Variants in OXR1 observed in about 807,000 individuals in gnomAD.
OXR1 encodes oxidation resistance 1, also known as oxidation resistance protein 1.
A neutral mutation model predicts 104.6 loss-of-function variants in OXR1; 41 were observed. The ratio of observed to expected loss-of-function variants is 0.39; its 90% CI spans 0.31 to 0.51. OXR1 has a LOEUF of 0.51. Ranked by LOEUF, OXR1 falls within the 20% of genes least tolerant of loss-of-function variation. The pLI is 0.77. For synonymous variants in OXR1, 348 were observed against 348.4 expected, an observed-to-expected ratio of 1.00 and a Z score of 0.01; for missense variants, 955 against 1,031.9, an observed-to-expected ratio of 0.93 and a Z score of 1.02.
rs1484533382 is a variant in OXR1, at chr8:106,692,852, A to G, written c.650A>G (p.Asn217Ser). ...TTTACTGAGAAATTTCTTAAAATTA[A>G]TTGCAAATATATTACCAGTGGCAAG... ...EAFTEKFLKINCKYITSGKGT... is the reference protein window; with the variant it reads ...EAFTEKFLKISCKYITSGKGT... The change falls in exon 7 of 17, where the codon AAT (asparagine) becomes AGT (serine). Residue 217 changes from asparagine to serine, a missense_variant. Asn to Ser is a conservative substitution (Grantham distance 46). Around this residue, in one of 2 missense-constraint regions of OXR1, gnomAD observed 849 missense variants for 852.9 expected, o/e 1.00. Transcript: ENST00000517566. The G allele has an allele frequency of 6.2e-7, 1 of 1,605,102 alleles. No homozygotes were observed. The highest frequency in any genetic ancestry group is 1.7e-5 in the Admixed American group (1 of 59,152).
chr8:106,537,579 G>A (rs1814635187), intron 3 of OXR1, among the ~76,000 whole-genome samples: 1 of 152,100 alleles, frequency 6.6e-6, no homozygotes, highest in Non-Finnish European at 1.5e-5. Context: ...AATACCTAAT[G>A]CTAATGACAA....
intron 6 of OXR1, among the ~76,000 whole-genome samples, chr8:106,685,047 G>C (rs1219344527): frequency 6.6e-6 from 1 of 151,946 alleles, no homozygotes; most frequent in African/African-American, 2.4e-5. Flanking sequence ...GTGTGAGAAA[G>C]AGAGAGAGAA....
chr8:106,367,321 C>G (rs1432740151), intron 2 of OXR1, among the ~76,000 whole-genome samples: 3 of 151,960 alleles, frequency 2.0e-5, no homozygotes, highest in African/African-American at 7.3e-5. Context: ...CCTTGGCCTC[C>G]CAAAGTGCTG....
At chr8:106,439,675 A>G (rs1819709573) in intron 2 of OXR1, among the ~76,000 whole-genome samples, 1 of 151,996 alleles carries the variant, frequency 6.6e-6, no homozygotes, top group African/African-American at 2.4e-5. Context: ...TTGACATACA[A>G]ACATTGTGGA....
At chr8:106,735,283 A>G (rs1834267428) in intron 11 of OXR1, among the ~76,000 whole-genome samples, 2 of 151,966 alleles carry the variant, frequency 1.3e-5, no homozygotes, top group South Asian at 4.1e-4. Context: ...AGGTTAAGGA[A>G]GCAGAAAGTT....
intron 13 of OXR1, 85 bp from the exon 14 acceptor site, chr8:106,740,258 G>T: frequency 2.2e-6 from 2 of 909,920 alleles, no homozygotes; most frequent in Non-Finnish European, 1.7e-6. Context: ...TATTATATAG[G>T]CACCATTACA....
intron 2 of OXR1, among the ~76,000 whole-genome samples, chr8:106,410,977 T>C (rs1299339502): frequency 2.0e-5 from 3 of 152,150 alleles, no homozygotes. Flanking sequence ...GAGTTTCTGC[T>C]AGGTACCTGG....
chr8:106,555,072 A>G (rs1427398863), intron 3 of OXR1, among the ~76,000 whole-genome samples: 2 of 152,182 alleles, frequency 1.3e-5, no homozygotes, highest in East Asian at 3.9e-4. Context: ...CCTGAATACA[A>G]TACATTAACT....
intron 3 of OXR1, among the ~76,000 whole-genome samples, chr8:106,642,179 A>G (rs1372989578): frequency 6.6e-6 from 1 of 152,194 alleles, no homozygotes; most frequent in Non-Finnish European, 1.5e-5. Flanking sequence ...GGATACAGTG[A>G]AAGAACACCT....
intron 1 of OXR1, among the ~76,000 whole-genome samples, chr8:106,316,762 A>G (rs936678681): frequency 1.4e-5 from 2 of 148,038 alleles, no homozygotes; most frequent in African/African-American, 5.1e-5. Flanking sequence ...CTATCTATCT[A>G]TCTATCTATC....
intron 2 of OXR1, among the ~76,000 whole-genome samples, chr8:106,414,569 A>G (rs1020807894): frequency 6.6e-6 from 1 of 152,160 alleles, no homozygotes; most frequent in African/African-American, 2.4e-5. Context: ...TTTAATAAAC[A>G]ATGTATTTTT....
intron 2 of OXR1, among the ~76,000 whole-genome samples, chr8:106,379,268 C>T (rs1586584578): frequency 6.6e-6 from 1 of 152,262 alleles, no homozygotes. Context: ...ATAAAATTAT[C>T]ACTCTAGAGT....
At chr8:106,276,480 G>GT (rs1812041575) in intron 1 of OXR1, among the ~76,000 whole-genome samples, 1 of 152,122 alleles carries the variant, frequency 6.6e-6, no homozygotes, top group African/African-American at 2.4e-5. Context: ...CTGCTTAGTA[G>GT]TTTGTGACTT....
chr8:106,658,488 T>C (rs1393544941), intron 3 of OXR1, among the ~76,000 whole-genome samples: 1 of 152,180 alleles, frequency 6.6e-6, no homozygotes. Flanking sequence ...CATTCTCTCT[T>C]TCCCTCCCAC....
At chr8:106,716,897 G>T (rs1353378389) in intron 11 of OXR1, among the ~76,000 whole-genome samples, 1 of 151,998 alleles carries the variant, frequency 6.6e-6, no homozygotes, top group African/African-American at 2.4e-5. Flanking sequence ...GATACTAAGT[G>T]CCTAAAAAAA....
At chr8:106,478,336 G>A (rs79437931) in intron 2 of OXR1, among the ~76,000 whole-genome samples, 8,198 of 151,662 alleles carry the variant, frequency 0.054, 292 homozygotes, top group African/African-American at 0.091. Context: ...CCAAATTGCC[G>A]TGAATTCAAA....
chr8:106,319,761 A>T (rs898249204), intron 1 of OXR1, among the ~76,000 whole-genome samples: 1 of 152,226 alleles, frequency 6.6e-6, no homozygotes, highest in Non-Finnish European at 1.5e-5. Context: ...GGCAGGAGGA[A>T]TAAAGGCGAT....
chr8:106,386,030 GCA>G (rs1450232700), intron 2 of OXR1, among the ~76,000 whole-genome samples: 3 of 152,142 alleles, frequency 2.0e-5, no homozygotes, highest in African/African-American at 7.2e-5. Flanking sequence ...GTACTTTTGT[GCA>G]TGCTGGTCTG....
rs952928233 is a variant in OXR1, at chr8:106,692,593, C to T, written c.526-135C>T. ...CTATAATTTGTACGTAAAAATATTT[C>T]GGGCTGACTTCCAGAATGCGGTGAA... is the stretch of plus-strand genomic sequence containing the variant. On this transcript the variant is annotated intron_variant, in intron 6 of 16. Coordinates refer to ENST00000517566, the MANE Select transcript of OXR1 (RefSeq NM_001198533.2). The T allele has an allele frequency of 3.8e-5, 18 of 473,212 alleles. No individual in the cohort carries two copies. In the East Asian group the frequency reaches 4.2e-4, roughly 11 times the overall value. 29.3% of individuals were successfully genotyped at this position (473,212 alleles called of 1,614,324 possible). A position where few individuals can be genotyped will look rare whatever the true frequency, so the allele number is the denominator to read the frequency against.
Sources: gnomAD v4.1 joint callset for allele counts (sites outside exome capture counted in the v4.1 genomes callset) on GRCh38, gnomAD v4.1.1 for gene constraint, gnomAD v4.1.1 regional missense constraint, MANE v1.5 for transcripts, NCBI Gene and HGNC (gene_info 2026-07-23, HGNC 2026-07-21) for gene names.